Variants in UBE2R2 observed in about 807,000 individuals in gnomAD.
UBE2R2 encodes ubiquitin conjugating enzyme E2 R2.
A neutral mutation model predicts 27.8 loss-of-function variants in UBE2R2; 1 was observed. The ratio of observed to expected loss-of-function variants is 0.04; its 90% confidence interval spans 0.01 to 0.17. UBE2R2 has a LOEUF of 0.17. Ranked by LOEUF, UBE2R2 falls within the 10% of genes least tolerant of loss-of-function variation. The pLI, the probability that UBE2R2 is intolerant of heterozygous loss-of-function variation, is 1.00. For missense variants in UBE2R2, 100 were observed against 291.0 expected, an observed-to-expected ratio of 0.34 and a Z score of 4.78; for synonymous variants, 106 against 113.3, an observed-to-expected ratio of 0.94 and a Z score of 0.41.
At chr9:33,871,648 C>T (rs933472821) in intron 1 of UBE2R2, among the ~76,000 whole-genome samples, 1 of 152,204 alleles carries the variant, frequency 6.6e-6, no homozygotes, top group Non-Finnish European at 1.5e-5. Context: ...GAAAAAGAGC[C>T]TCTCAAGATT....
intron 1 of UBE2R2, among the ~76,000 whole-genome samples, chr9:33,849,520 T>A (rs930924881): frequency 1.1e-4 from 16 of 152,022 alleles, no homozygotes; most frequent in African/African-American, 3.9e-4. Context: ...ATTTTCCTTA[T>A]TTGTAATACA....
intron 1 of UBE2R2, among the ~76,000 whole-genome samples, chr9:33,859,795 T>TGA (rs1056972987): frequency 2.4e-5 from 2 of 82,198 alleles, no homozygotes; most frequent in African/African-American, 9.5e-5. Context: ...TGTGTGTGTG[T>TGA]GTGTGAGAGA....
rs144521193 is a variant in UBE2R2 at position 33,909,586 on chromosome 9, T to C, written c.363-2378T>C. Among the ~76,000 whole-genome samples, 551 of 152,290 alleles carry C rather than the reference T, an allele frequency of 3.6e-3. 3 individuals are homozygous for C. Among genetic ancestry groups the C allele is most frequent in the African/African-American group, 0.012 (498 of 41,566 alleles). ...ACTTAAGGAGTCCAAGGCAGGAATA[T>C]TGCTTGAGCCCAGGAGTAGAGACGG... On this transcript the variant is annotated intron_variant, in intron 3 of 4. Transcript: ENST00000263228.
intron 1 of UBE2R2, among the ~76,000 whole-genome samples, chr9:33,883,021 G>A (rs1441592911): frequency 1.3e-5 from 2 of 152,052 alleles, no homozygotes; most frequent in Admixed American, 6.6e-5. Flanking sequence ...CCCAGGAAGT[G>A]GAAGTTGCAG....
chr9:33,909,981 C>A (rs540135906), intron 3 of UBE2R2, among the ~76,000 whole-genome samples: 1 of 152,156 alleles, frequency 6.6e-6, no homozygotes. Context: ...GCTTGGGGCC[C>A]AGAGCAAAAG....
At chr9:33,877,815 G>GTCTC (rs1439369271) in intron 1 of UBE2R2, among the ~76,000 whole-genome samples, 3 of 95,734 alleles carry the variant, frequency 3.1e-5, no homozygotes, top group Non-Finnish European at 6.7e-5. Flanking sequence ...CTGTCTGTCT[G>GTCTC]TCTGTCTGTC....
chr9:33,851,187 A>G (rs1820959557), intron 1 of UBE2R2, among the ~76,000 whole-genome samples: 1 of 152,102 alleles, frequency 6.6e-6, no homozygotes, highest in Admixed American at 6.6e-5. Context: ...AAATTTTTAA[A>G]CAACCACAAA....
At chr9:33,843,042 C>CT (rs71506139) in intron 1 of UBE2R2, among the ~76,000 whole-genome samples, 1,189 of 105,214 alleles carry the variant, frequency 0.011, 13 homozygotes, top group Non-Finnish European at 0.013. Flanking sequence ...AAACAGACCA[C>CT]TTTTTTTTTT....
intron 3 of UBE2R2, among the ~76,000 whole-genome samples, chr9:33,902,837 C>T (rs1024946379): frequency 2.6e-5 from 4 of 152,116 alleles, no homozygotes; most frequent in Admixed American, 6.6e-5. Flanking sequence ...CAGTGGCTCA[C>T]GCCTGTAATC....
chr9:33,826,450 G>C lies in UBE2R2; in HGVS notation c.177+8516G>C, dbSNP rs916062943. Among the ~76,000 whole-genome samples, 10 of 152,140 alleles carry C rather than the reference G, an allele frequency of 6.6e-5. No individual in the cohort carries two copies. In the South Asian group the frequency reaches 2.1e-3, roughly 31 times the overall value. ...GTGGTGGCTCACGCCTGTAACCCCA[G>C]CACTTTGGGAGGCCGAGGCAGGCGG... On this transcript the variant is annotated intron_variant, in intron 1 of 4. Coordinates refer to ENST00000263228, the MANE Select transcript of UBE2R2 (RefSeq NM_017811.4).
intron 1 of UBE2R2, among the ~76,000 whole-genome samples, chr9:33,873,305 A>T (rs1221139485): frequency 6.6e-6 from 1 of 151,760 alleles, no homozygotes; most frequent in Non-Finnish European, 1.5e-5. Flanking sequence ...CCCACCCCTT[A>T]GCACAGCAAT....
rs1033431567 is a variant in UBE2R2, at chr9:33,917,501, A to G, written c.*264A>G. On this transcript the variant is annotated 3_prime_UTR_variant, in exon 5 of 5. Coordinates refer to ENST00000263228, the MANE Select transcript of UBE2R2 (RefSeq NM_017811.4). ...TATATTGATTCTTTTTTTAAAAAATATGAACCCAAACTCCCGCCTCACTTC... is the reference window on the plus strand; with the variant it reads ...TATATTGATTCTTTTTTTAAAAAATGTGAACCCAAACTCCCGCCTCACTTC... 18 of 555,996 alleles carry G rather than the reference A, an allele frequency of 3.2e-5. No individual in the cohort carries two copies. In the East Asian group the frequency reaches 5.0e-4, roughly 16 times the overall value. The allele number at this position is 555,996 out of a possible 1,614,324, so 34.4% of individuals were successfully genotyped here.
intron 3 of UBE2R2, among the ~76,000 whole-genome samples, chr9:33,908,256 A>T (rs1294879060): frequency 1.3e-5 from 2 of 152,182 alleles, no homozygotes; most frequent in Non-Finnish European, 2.9e-5. Flanking sequence ...TTATTCTCAC[A>T]GGTGTCCATC....
intron 1 of UBE2R2, among the ~76,000 whole-genome samples, chr9:33,845,301 C>T (rs1278895994): frequency 6.7e-6 from 1 of 148,688 alleles, no homozygotes; most frequent in South Asian, 2.1e-4. Flanking sequence ...GGCTGGAGTT[C>T]AGTGGCACGA....
At chr9:33,865,190 C>CTA (rs1821332357) in intron 1 of UBE2R2, among the ~76,000 whole-genome samples, 3 of 150,634 alleles carry the variant, frequency 2.0e-5, no homozygotes, top group Admixed American at 6.6e-5. Context: ...CTCTGTCTCT[C>CTA]TCTCTATCTA....
intron 1 of UBE2R2, among the ~76,000 whole-genome samples, chr9:33,876,444 G>T (rs1208886900): frequency 1.3e-5 from 2 of 152,082 alleles, no homozygotes; most frequent in African/African-American, 4.8e-5. Context: ...AATTGCTCAG[G>T]GAAGCATTAC....
At chr9:33,856,077 A>T (rs1018217293) in intron 1 of UBE2R2, among the ~76,000 whole-genome samples, 1 of 152,108 alleles carries the variant, frequency 6.6e-6, no homozygotes, top group Admixed American at 6.6e-5. Context: ...ACCTTATACT[A>T]GCAGGGCTCT....
intron 1 of UBE2R2, among the ~76,000 whole-genome samples, chr9:33,819,092 G>A (rs182367813): frequency 6.6e-6 from 1 of 152,238 alleles, no homozygotes; most frequent in East Asian, 1.9e-4. Flanking sequence ...GGAAATGAGT[G>A]CTTAGGAATC....
chr9:33,835,261 C>G (rs1220469780), intron 1 of UBE2R2, among the ~76,000 whole-genome samples: 5 of 146,272 alleles, frequency 3.4e-5, no homozygotes, highest in African/African-American at 1.3e-4. Context: ...ATTCTCTTGT[C>G]TCAGCCTCCC....
Sources: allele counts gnomAD v4.1 joint callset (sites outside exome capture counted in the v4.1 genomes callset), GRCh38; gene constraint gnomAD v4.1.1; transcripts MANE v1.5; gene names NCBI Gene and HGNC (gene_info 2026-07-23, HGNC 2026-07-21).